BAIAP2: variants seen among roughly 807,000 people sequenced by gnomAD.
BAIAP2 encodes the protein BAR/IMD domain-containing adapter protein 2.
BAIAP2 carries 18 observed loss-of-function variants against 63.0 expected under a neutral mutation model. That is an observed-to-expected ratio of 0.29 (90% CI 0.20 to 0.42). BAIAP2 has a LOEUF of 0.42. Among genes scored for constraint, BAIAP2 ranks in the 10% least tolerant of loss-of-function variants. The probability of loss-of-function intolerance (pLI) is 1.00; values close to 1 mark genes in which losing one functional copy is unlikely to be tolerated. For synonymous variants in BAIAP2, 386 were observed against 307.6 expected (o/e 1.25, Z -2.67); for missense variants, 610 against 734.3 (o/e 0.83, Z 1.96).
intron 3 of BAIAP2, among the ~76,000 whole-genome samples, chr17:81,069,248 G>A (rs909394662): frequency 1.3e-5 from 2 of 152,164 alleles, no homozygotes; most frequent in African/African-American, 4.8e-5. Flanking sequence ...ACATGCAGGC[G>A]GTCACATCAC....
chr17:81,100,211 G>C, intron 7 of BAIAP2, 131 bp downstream of exon 7: 2 of 1,272,128 alleles, frequency 1.6e-6, no homozygotes, highest in South Asian at 3.4e-5. Context: ...GTTTATTTCG[G>C]GTTTTCTTGG....
At chr17:81,104,182 C>T (rs767930556) in intron 9 of BAIAP2, 74 bp downstream of exon 9, 106 of 1,483,868 alleles carry the variant, frequency 7.1e-5, no homozygotes, top group Non-Finnish European at 9.4e-5. Context: ...ATGCCACAAC[C>T]CTCAATAGGG....
rs754131303 is a variant in BAIAP2 at position 81,086,597 on chromosome 17, C to T, written c.489+17C>T. 6.8e-6 allele frequency: 11 copies of T among 1,611,924 alleles called. No individual in the cohort carries two copies. The highest frequency in any genetic ancestry group is 2.2e-5 in the South Asian group (2 of 91,000). ...GAGCTGCAGGTAGGCCCGCCACCCC[C>T]GCTGTGGTGCCTCTCCTGCCACCTT... On this transcript the variant is annotated intron_variant, in intron 6 of 13. Transcript: ENST00000428708.
Position 81,046,220 on chromosome 17 carries a change from C to G in BAIAP2, c.55-7448C>G, listed in dbSNP as rs930025464. On this transcript the variant is annotated intron_variant, in intron 1 of 13. Transcript: ENST00000428708. The surrounding 1 kb of genome is among the most constrained non-coding windows in gnomAD (Gnocchi z 4.5). Reference sequence around the variant, plus strand: ...TCCAGCCCACCTTCAGGCCCCCGTCCTAACCCTGCGCGCCGTTTCCTCCCA... The same window carrying G: ...TCCAGCCCACCTTCAGGCCCCCGTCGTAACCCTGCGCGCCGTTTCCTCCCA... Among the ~76,000 whole-genome samples the G allele has an allele frequency of 1.3e-5, 2 of 152,146 alleles. No homozygotes were observed. The highest frequency in any genetic ancestry group is 2.9e-5 in the Non-Finnish European group (2 of 68,004).
chr17:81,109,363 G>C lies in BAIAP2; in HGVS notation c.1535+854G>C. ...GCCAGGTCTAAAGTTTGAAGAAAAA[G>C]AAAAATCTTAAAAAAAAAAAAAAAA... On this transcript the variant is annotated intron_variant, in intron 13 of 13. Transcript: ENST00000428708. 14 of 448,012 alleles carry C rather than the reference G, an allele frequency of 3.1e-5. No individual in the cohort carries two copies. In the East Asian group the frequency reaches 9.9e-4, roughly 32 times the overall value. The allele number at this position is 448,012 out of a possible 1,614,324, so 27.8% of individuals were successfully genotyped here.
chr17:81,101,144 C>G (rs1164809317), intron 7 of BAIAP2, among the ~76,000 whole-genome samples: 1 of 152,148 alleles, frequency 6.6e-6, no homozygotes, highest in Non-Finnish European at 1.5e-5. Context: ...CAGCACAGTC[C>G]TGCAGCCCTG....
rs376349661 is a variant in BAIAP2 at position 81,115,905 on chromosome 17, C to A, written c.*66C>A. ...GCCCTTCCCATGTAGCCTGTTCTGT[C>A]ATCATCTGTGCGTTCCTGTGTAGAG... On this transcript the variant is annotated 3_prime_UTR_variant, in exon 14 of 14. Coordinates refer to ENST00000428708, the MANE Select transcript of BAIAP2 (RefSeq NM_001144888.2). 5.6e-6 allele frequency: 9 copies of A among 1,601,576 alleles called. No individual in the cohort carries two copies. The highest frequency in any genetic ancestry group is 7.7e-6 in the Non-Finnish European group (9 of 1,174,510).
intron 3 of BAIAP2, among the ~76,000 whole-genome samples, chr17:81,081,048 C>T (rs1385498250): frequency 1.3e-5 from 2 of 152,190 alleles, no homozygotes; most frequent in African/African-American, 4.8e-5. Context: ...GGGTGGGTTC[C>T]CCCTCTCAGG....
intron 6 of BAIAP2, chr17:81,087,365 A>G (rs1171894012): frequency 6.6e-6 from 1 of 152,170 alleles, no homozygotes; most frequent in Non-Finnish European, 1.5e-5. Context: ...CAAGCCCCGC[A>G]CACACCTGCC....
chr17:81,045,235 G>A (rs1221547837), intron 1 of BAIAP2, among the ~76,000 whole-genome samples: 3 of 152,194 alleles, frequency 2.0e-5, no homozygotes, highest in African/African-American at 7.2e-5. Context: ...GCTCGCAGAG[G>A]GCGTGCAGGT....
At position 81,035,305 on chromosome 17, in the gene BAIAP2, T is replaced by C. The variant is rs2046049051; in HGVS notation, c.51T>C (p.Tyr17=). 2 of 1,472,964 alleles carry C rather than the reference T, an allele frequency of 1.4e-6. No homozygotes were observed. The highest frequency in any genetic ancestry group is 3.0e-5 in the East Asian group (1 of 33,428). 91.2% of individuals were successfully genotyped at this position (1,472,964 alleles called of 1,614,324 possible). ...EEMHRLTENV[Y]KTIMEQFNPS... is the part of the protein sequence containing the mutation. ...TGCACCGGCTCACGGAAAATGTCTA[T>C]AAGGTGAGCGCCCCCCGGCGCCGAG... Residue 17 remains tyrosine, a synonymous_variant, in exon 1 of 14, where the codon TAT becomes TAC. Coordinates refer to ENST00000428708, the MANE Select transcript of BAIAP2 (RefSeq NM_001144888.2).
chr17:81,070,248 C>A (rs577274789), intron 3 of BAIAP2, among the ~76,000 whole-genome samples: 1 of 152,168 alleles, frequency 6.6e-6, no homozygotes, highest in Non-Finnish European at 1.5e-5. Flanking sequence ...CGCGAGCCAC[C>A]GTGCCTGGCC....
At chr17:81,090,201 G>A (rs2056469022) in intron 6 of BAIAP2, among the ~76,000 whole-genome samples, 1 of 152,204 alleles carries the variant, frequency 6.6e-6, no homozygotes, top group Admixed American at 6.5e-5. Flanking sequence ...GCCGCAGCAA[G>A]CCCCAGAGCT....
At chr17:81,049,887 G>C (rs2048393394) in intron 1 of BAIAP2, among the ~76,000 whole-genome samples, 1 of 152,238 alleles carries the variant, frequency 6.6e-6, no homozygotes, top group South Asian at 2.1e-4. Flanking sequence ...GCTCTCCTCA[G>C]GCTGGGGACT....
At chr17:81,050,783 G>A (rs2048556763) in intron 1 of BAIAP2, among the ~76,000 whole-genome samples, 1 of 151,522 alleles carries the variant, frequency 6.6e-6, no homozygotes, top group African/African-American at 2.4e-5. Flanking sequence ...ATGCACACAT[G>A]GGCACAGATG....
At chr17:81,070,179 G>A (rs941353466) in intron 3 of BAIAP2, among the ~76,000 whole-genome samples, 26 of 152,208 alleles carry the variant, frequency 1.7e-4, no homozygotes, top group African/African-American at 5.5e-4. Context: ...GGCTGGTCTC[G>A]AACTCCTGGA....
chr17:81,107,610 A>G (rs1428491848), intron 12 of BAIAP2: 1 of 152,356 alleles, frequency 6.6e-6, no homozygotes, highest in Non-Finnish European at 1.5e-5. Flanking sequence ...GGGGCTCCTC[A>G]GCCAGAGGTC....
chr17:81,055,690 C>T (rs1411323292), intron 2 of BAIAP2, among the ~76,000 whole-genome samples: 3 of 151,774 alleles, frequency 2.0e-5, no homozygotes, highest in African/African-American at 4.8e-5. Context: ...CTCAGCCTCC[C>T]GAGTAGCTGG....
In BAIAP2 at chr17:81,053,617, C is replaced by T. The variant is rs758358718; in HGVS notation, c.55-51C>T. ...CCTCTGTGTTCGGACCCTTCGGAGT[C>T]ACCAGGGTGACCTCTGCCAGTAATG... On this transcript the variant is annotated intron_variant, in intron 1 of 13. Transcript: ENST00000428708. 40 of 1,604,980 alleles carry T rather than the reference C, an allele frequency of 2.5e-5. 1 individual carries two copies. Among genetic ancestry groups the T allele is most frequent in the Middle Eastern group, 1.6e-4 (1 of 6,072 alleles).
Sources: gnomAD v4.1 joint callset for allele counts (sites outside exome capture counted in the v4.1 genomes callset) on GRCh38, gnomAD v4.1.1 for gene constraint, Gnocchi (gnomAD v3.1) non-coding constraint, MANE v1.5 for transcripts, NCBI Gene and HGNC (gene_info 2026-07-23, HGNC 2026-07-21) for gene names.